SLC16A4: variants seen among roughly 807,000 people sequenced by gnomAD.
SLC16A4 encodes probable monocarboxylate transporter 5.
In SLC16A4, 39 loss-of-function variants were observed where a neutral mutation model predicts 47.9. The observed-to-expected ratio is 0.81, with a 90% CI of 0.63 to 1.06. The LOEUF (loss-of-function observed/expected upper bound fraction) is 1.06, where lower values mean the gene tolerates loss of function less well. SLC16A4 is among the 50% of genes least tolerant of loss of function. SLC16A4 has a pLI of 0.00. For missense variants in SLC16A4, 524 were observed against 573.8 expected, an observed-to-expected ratio of 0.91 and a Z score of 0.89; for synonymous variants, 189 against 199.9, an observed-to-expected ratio of 0.95 and a Z score of 0.46.
rs1662409420 is a variant in SLC16A4 at position 110,381,805 on chromosome 1, A to C, written c.221-10T>G. 6.2e-7 allele frequency: 1 copy of C among 1,607,856 alleles called. No homozygotes were observed. The highest frequency in any genetic ancestry group is 1.3e-5 in the African/African-American group (1 of 74,506). On this transcript the variant is annotated splice_polypyrimidine_tract_variant and intron_variant, in intron 3 of 8. Coordinates refer to ENST00000369779, the MANE Select transcript of SLC16A4 (RefSeq NM_004696.3). ...ATAGCAACCAGGGGACCTTAAGAGA[A>C]GAAAGAAAGGCAATTCTTAGGTAAA...
chr1:110,371,016 A>G (rs1661658519), intron 8 of SLC16A4: 1 of 152,226 alleles, frequency 6.6e-6, no homozygotes, highest in Non-Finnish European at 1.5e-5. Flanking sequence ...CAGAGTGAAT[A>G]ATGTTTCACG....
chr1:110,381,240 C>T (rs375487994), intron 4 of SLC16A4, 97 bp from the exon 5 acceptor site: 4 of 1,110,890 alleles, frequency 3.6e-6, no homozygotes, highest in African/African-American at 3.1e-5. Flanking sequence ...ACAGCTAGGC[C>T]TTTTGGACCC....
At chr1:110,371,570 A>G (rs537257281) in intron 8 of SLC16A4, 1 of 152,352 alleles carries the variant, frequency 6.6e-6, no homozygotes, top group South Asian at 2.1e-4. Context: ...TCTGTGAGAA[A>G]TAAGGCTTAA....
At position 110,382,297 on chromosome 1, in the gene SLC16A4, A is replaced by G. The variant is rs191388163; in HGVS notation, c.221-502T>C. On this transcript the variant is annotated intron_variant, in intron 3 of 8. Transcript: ENST00000369779. ...AACATGGTGAAACCCCATCTCTACTAAAAATACAAAAATTAGCCAGGCATG... is the reference window on the plus strand; with the variant it reads ...AACATGGTGAAACCCCATCTCTACTGAAAATACAAAAATTAGCCAGGCATG... 3.2e-4 allele frequency among the ~76,000 whole-genome samples: 48 copies of G among 152,188 alleles called. No individual in the cohort carries two copies. In the East Asian group the frequency reaches 9.1e-3, roughly 29 times the overall value.
Position 110,363,656 on chromosome 1 carries a change from C to A in SLC16A4, c.*110G>T. The A allele has an allele frequency of 3.6e-5, 33 of 925,320 alleles. No homozygotes were observed. The highest frequency in any genetic ancestry group is 4.9e-5 in the Non-Finnish European group (32 of 655,512). 57.3% of individuals were successfully genotyped at this position (925,320 alleles called of 1,614,324 possible). On this transcript the variant is annotated 3_prime_UTR_variant, in exon 9 of 9. Coordinates refer to ENST00000369779, the MANE Select transcript of SLC16A4 (RefSeq NM_004696.3). ...AAAAAAAAAAAAAATTGTTTTCCTT[C>A]TCATGTTACAAATGTAGATGCGATG...
In SLC16A4 at chr1:110,381,462, C is replaced by T. The variant is rs552661249; in HGVS notation, c.364+190G>A. Among the ~76,000 whole-genome samples the T allele has an allele frequency of 3.9e-5, 6 of 152,310 alleles. No homozygotes were observed. In the South Asian group the frequency reaches 8.3e-4, roughly 21 times the overall value. On this transcript the variant is annotated intron_variant, in intron 4 of 8. Transcript: ENST00000369779. ...TCAGCTTCCCAAATAGCTGGGACTA[C>T]AGGCATGTGCCACCACTGGCCTGGC...
chr1:110,382,159 A>G lies in SLC16A4; in HGVS notation c.221-364T>C, dbSNP rs962365552. ...TACAGCTCCAAATAAAAGGAGAAGA[A>G]ATTGGTTCTATAATTTGTTTTGAGG... On this transcript the variant is annotated intron_variant, in intron 3 of 8. Transcript: ENST00000369779. Among the ~76,000 whole-genome samples, 19 of 152,156 alleles carry G rather than the reference A, an allele frequency of 1.2e-4. 1 individual carries two copies. Among genetic ancestry groups the G allele is most frequent in the African/African-American group, 4.3e-4 (18 of 41,424 alleles).
intron 2 of SLC16A4, among the ~76,000 whole-genome samples, chr1:110,386,187 T>C (rs1662723230): frequency 6.6e-6 from 1 of 152,210 alleles, no homozygotes; most frequent in Non-Finnish European, 1.5e-5. Flanking sequence ...GGTTAGGACT[T>C]GTCTCTAATA....
Position 110,381,855 on chromosome 1 carries a change from C to T in SLC16A4, c.221-60G>A. ...ATAATGATCTGGCATCCCTTATCCTCTGATGGCGATTTAAATGAATGACAA... is the reference window on the plus strand; with the variant it reads ...ATAATGATCTGGCATCCCTTATCCTTTGATGGCGATTTAAATGAATGACAA... On this transcript the variant is annotated intron_variant, in intron 3 of 8. Transcript: ENST00000369779. 2.1e-5 allele frequency: 31 copies of T among 1,446,398 alleles called. No individual in the cohort carries two copies. In the South Asian group the frequency reaches 3.3e-4, roughly 15 times the overall value. 89.6% of individuals were successfully genotyped at this position (1,446,398 alleles called of 1,614,324 possible). A position where few individuals can be genotyped will look rare whatever the true frequency, so the allele number is the denominator to read the frequency against.
Position 110,381,789 on chromosome 1 carries a change from A to G in SLC16A4, c.227T>C (p.Leu76Pro). Residue 76 changes from leucine (L) to proline (P), a missense_variant, in exon 4 of 9, where the codon CTG (leucine) becomes CCG (proline). By Grantham distance (98) the Leu-to-Pro change is moderately conservative (BLOSUM62 -3). Transcript: ENST00000369779. Reference sequence around the variant, plus strand: ...AAGTATGTCACAAATAATAGCAACCAGGGGACCTTAAGAGAAGAAAGAAAG... The same window carrying G: ...AAGTATGTCACAAATAATAGCAACCGGGGGACCTTAAGAGAAGAAAGAAAG... ...MSSLRFCAGPLVAIICDILGE... is the reference protein window; with the variant it reads ...MSSLRFCAGPPVAIICDILGE... The G allele has an allele frequency of 1.9e-6, 3 of 1,612,534 alleles. No individual in the cohort carries two copies. Among genetic ancestry groups the G allele is most frequent in the Non-Finnish European group, 2.5e-6 (3 of 1,179,534 alleles).
At chr1:110,368,932 T>G (rs190862545) in intron 8 of SLC16A4, among the ~76,000 whole-genome samples, 223 of 152,246 alleles carry the variant, frequency 1.5e-3, no homozygotes, top group African/African-American at 5.0e-3. Context: ...TCTCAGAACT[T>G]GATTGTTAAG....
intron 7 of SLC16A4, 98 bp downstream of exon 7, chr1:110,376,852 G>T: frequency 9.8e-7 from 1 of 1,021,342 alleles, no homozygotes; most frequent in Non-Finnish European, 1.4e-6. Flanking sequence ...GATTTTTTAA[G>T]TTACAAAATT....
chr1:110,385,721 T>C (rs1295218563), intron 2 of SLC16A4, among the ~76,000 whole-genome samples: 2 of 152,220 alleles, frequency 1.3e-5, no homozygotes, highest in Non-Finnish European at 2.9e-5. Flanking sequence ...AAGAAGTCTC[T>C]TAATATACTT....
At chr1:110,376,822 G>T in intron 7 of SLC16A4, 128 bp downstream of exon 7, 1 of 780,942 alleles carries the variant, frequency 1.3e-6, no homozygotes, top group Non-Finnish European at 2.0e-6. Flanking sequence ...TAGCTGCAGA[G>T]TTTCTAAGGT....
chr1:110,389,283 G>C lies in SLC16A4; in HGVS notation c.41C>G (p.Thr14Ser). Residue 14 changes from threonine (T) to serine (S), a missense_variant, in exon 2 of 9, where the codon ACC (threonine) becomes AGC (serine). Coordinates refer to ENST00000369779, the MANE Select transcript of SLC16A4 (RefSeq NM_004696.3). ...CATCCATCCCCATCCTCCATCCAGG[G>C]TTTTAGTGTAAGGTTGGACCTTCCC... ...REGKVQPYTK[T>S]LDGGWGWMIV... 1 of 1,614,074 alleles carries C rather than the reference G, an allele frequency of 6.2e-7. No individual in the cohort carries two copies.
intron 2 of SLC16A4, among the ~76,000 whole-genome samples, chr1:110,386,973 G>A (rs534838955): frequency 3.9e-5 from 6 of 152,146 alleles, no homozygotes; most frequent in South Asian, 2.1e-4. Flanking sequence ...GCATCTGCTC[G>A]TCACATTTCT....
intron 2 of SLC16A4, among the ~76,000 whole-genome samples, chr1:110,388,394 A>G (rs961344729): frequency 7.2e-5 from 11 of 152,186 alleles, no homozygotes; most frequent in African/African-American, 1.4e-4. Context: ...TTCCAAACAC[A>G]TCGGAAATAT....
Position 110,363,655 on chromosome 1 carries a change from T to G in SLC16A4, c.*111A>C. On this transcript the variant is annotated 3_prime_UTR_variant, in exon 9 of 9. Transcript: ENST00000369779. ...AAAAAAAAAAAAAAATTGTTTTCCTTCTCATGTTACAAATGTAGATGCGAT... is the reference window on the plus strand; with the variant it reads ...AAAAAAAAAAAAAAATTGTTTTCCTGCTCATGTTACAAATGTAGATGCGAT... The G allele has an allele frequency of 9.3e-7, 1 of 1,080,172 alleles. No individual in the cohort carries two copies. The highest frequency in any genetic ancestry group is 1.6e-5 in the African/African-American group (1 of 62,000). 66.9% of individuals were successfully genotyped at this position (1,080,172 alleles called of 1,614,324 possible).
intron 6 of SLC16A4, 97 bp from the exon 7 acceptor site, chr1:110,377,258 G>T: frequency 3.1e-6 from 3 of 977,362 alleles, no homozygotes; most frequent in South Asian, 1.6e-5. Context: ...TCATCCTGAG[G>T]CCAGGATATG....
Sources: allele counts gnomAD v4.1 joint callset (sites outside exome capture counted in the v4.1 genomes callset), GRCh38; gene constraint gnomAD v4.1.1; transcripts MANE v1.5; gene names NCBI Gene and HGNC (gene_info 2026-07-23, HGNC 2026-07-21).